The following TAOK3 variants were observed in gnomAD, a reference collection of about 807,000 sequenced individuals.
TAOK3 encodes the protein serine/threonine-protein kinase TAO3.
TAOK3 carries 40 observed loss-of-function variants against 120.4 expected under a neutral mutation model. The ratio of observed to expected loss-of-function variants is 0.33; its 90% CI spans 0.26 to 0.43. The LOEUF is 0.43. Ranked by LOEUF, TAOK3 falls within the 20% of genes least tolerant of loss-of-function variation. The pLI, the probability that TAOK3 is intolerant of heterozygous loss-of-function variation, is 1.00. For missense variants in TAOK3, 821 were observed against 1,112.1 expected (o/e 0.74, Z 3.72); for synonymous variants, 355 against 387.5 (o/e 0.92, Z 0.99).
At chr12:118,360,554 C>T (rs1280489948) in intron 1 of TAOK3, among the ~76,000 whole-genome samples, 6 of 124,948 alleles carry the variant, frequency 4.8e-5, no homozygotes, top group South Asian at 2.5e-4. Context: ...GGCGACACAG[C>T]GAGACTCCGT....
chr12:118,168,996 CCTTCCTTT>C (rs1242706262), intron 17 of TAOK3, among the ~76,000 whole-genome samples: 231 of 58,504 alleles, frequency 3.9e-3, no homozygotes, highest in South Asian at 9.6e-3. Flanking sequence ...TTCCTTCCTT[CCTTCCTTT>C]CTTTCTTTCT....
intron 1 of TAOK3, among the ~76,000 whole-genome samples, chr12:118,364,598 G>T (rs1003978375): frequency 6.6e-6 from 1 of 152,166 alleles, no homozygotes; most frequent in Non-Finnish European, 1.5e-5. Flanking sequence ...CACACAATAT[G>T]AAATTGTTTC....
intron 14 of TAOK3, among the ~76,000 whole-genome samples, chr12:118,184,772 C>G (rs1313253452): frequency 2.0e-5 from 3 of 152,208 alleles, no homozygotes; most frequent in African/African-American, 7.2e-5. Flanking sequence ...GGCAGTACCA[C>G]CTTGCTCTAC....
Position 118,347,859 on chromosome 12 carries a change from G to A in TAOK3, c.-194+24789C>T, listed in dbSNP as rs2044939493. Among the ~76,000 whole-genome samples, 3 of 152,174 alleles carry A rather than the reference G, an allele frequency of 2.0e-5. No homozygotes were observed. The South Asian group carries it at 6.2e-4, about 32-fold the overall frequency. The stretch of plus-strand genomic sequence containing the variant: ...TTCCAGAACCTCACTACTAGTCCAA[G>A]TTCTCATTCTCAATTTCTTTCTTCC... On this transcript the variant is annotated intron_variant, in intron 1 of 20. Transcript: ENST00000392533.
At chr12:118,198,943 C>T (rs906455929) in intron 13 of TAOK3, 108 bp downstream of exon 13, 95 of 1,166,934 alleles carry the variant, frequency 8.1e-5, no homozygotes, top group Non-Finnish European at 1.2e-4. Flanking sequence ...TTTAGTACCA[C>T]ACTGCAGTTG....
At chr12:118,230,538 C>T (rs895797003) in intron 9 of TAOK3, among the ~76,000 whole-genome samples, 2 of 118,866 alleles carry the variant, frequency 1.7e-5, no homozygotes, top group African/African-American at 6.5e-5. Context: ...GTGGTGCGAT[C>T]TCTCACTGCA....
chr12:118,171,176 T>C (rs377433434), intron 17 of TAOK3, among the ~76,000 whole-genome samples: 1 of 152,172 alleles, frequency 6.6e-6, no homozygotes, highest in Non-Finnish European at 1.5e-5. Flanking sequence ...GAAATTCCCA[T>C]ATCTATTTGG....
intron 1 of TAOK3, among the ~76,000 whole-genome samples, chr12:118,304,967 T>C (rs998565421): frequency 6.6e-6 from 1 of 152,210 alleles, no homozygotes; most frequent in African/African-American, 2.4e-5. Flanking sequence ...CAACCATGGT[T>C]AAGAACACGG....
rs893176486 is a variant in TAOK3, at chr12:118,359,282, A to G, written c.-194+13366T>C. The G allele has an allele frequency of 3.0e-4, 46 of 152,188 alleles. 1 individual carries two copies. Among genetic ancestry groups the G allele is most frequent in the Admixed American group, 2.2e-3 (34 of 15,278 alleles). 9.4% of individuals were successfully genotyped at this position (152,188 alleles called of 1,614,324 possible). On this transcript the variant is annotated intron_variant, in intron 1 of 20. Transcript: ENST00000392533. The stretch of plus-strand genomic sequence containing the variant: ...AGAATTTTCCCCCCAGTACCTACAA[A>G]AGAGGAAAACTTGCTCAAGCTAATC...
chr12:118,259,775 C>A (rs2041144839), intron 2 of TAOK3, among the ~76,000 whole-genome samples: 2 of 152,048 alleles, frequency 1.3e-5, no homozygotes. Context: ...GATGACAGTC[C>A]AGGTTGACCA....
rs372101847 is a variant in TAOK3, at chr12:118,189,888, C to T, written c.1248G>A (p.Pro416=). The T allele has an allele frequency of 5.0e-5, 80 of 1,614,078 alleles. No individual in the cohort carries two copies. Among genetic ancestry groups the T allele is most frequent in the Non-Finnish European group, 6.5e-5 (77 of 1,180,036 alleles). The change falls in exon 14 of 21, where the codon CCG becomes CCA. Residue 416 remains proline, a synonymous_variant. Coordinates refer to ENST00000392533, the MANE Select transcript of TAOK3 (RefSeq NM_016281.4). The part of the protein sequence containing the change: ...EAGHGDPRPE[P]RPTQSVQSQA... ...GGCTCTGAACTGACTGGGTAGGCCG[C>T]GGCTCAGGCCTGGGATCGCCGTGGC...
chr12:118,233,168 C>T (rs1186369189), intron 9 of TAOK3, among the ~76,000 whole-genome samples: 3 of 147,342 alleles, frequency 2.0e-5, no homozygotes, highest in South Asian at 2.1e-4. Flanking sequence ...AACCAAACAC[C>T]GCATGTTCTC....
intron 1 of TAOK3, among the ~76,000 whole-genome samples, chr12:118,350,469 T>C (rs887941641): frequency 6.6e-6 from 1 of 152,218 alleles, no homozygotes; most frequent in Non-Finnish European, 1.5e-5. Context: ...GCATGTATTG[T>C]AATACCTAGC....
chr12:118,169,494 A>G (rs1249283758), intron 17 of TAOK3, among the ~76,000 whole-genome samples: 5 of 147,432 alleles, frequency 3.4e-5, no homozygotes, highest in South Asian at 2.2e-4. Flanking sequence ...TTTTTGTAGT[A>G]CAGATGGGGT....
At position 118,185,849 on chromosome 12, in the gene TAOK3, A is replaced by G. The variant is rs1418789762; in HGVS notation, c.1329+3958T>C. 5.3e-5 allele frequency among the ~76,000 whole-genome samples: 8 copies of G among 152,340 alleles called. No individual in the cohort carries two copies. The South Asian group carries it at 1.4e-3, about 28-fold the overall frequency. ...GGGTTGGGCATGTAGATTGGACAGCATAAGTGAGAAATGGTATCAGCAATG... is the reference window on the plus strand; with the variant it reads ...GGGTTGGGCATGTAGATTGGACAGCGTAAGTGAGAAATGGTATCAGCAATG... On this transcript the variant is annotated intron_variant, in intron 14 of 20. Coordinates refer to ENST00000392533, the MANE Select transcript of TAOK3 (RefSeq NM_016281.4).
intron 1 of TAOK3, among the ~76,000 whole-genome samples, chr12:118,326,374 A>T (rs1327790592): frequency 6.6e-6 from 1 of 152,162 alleles, no homozygotes; most frequent in Non-Finnish European, 1.5e-5. Context: ...TTATGGCAAT[A>T]CCATGCTGTT....
chr12:118,162,028 C>T lies in TAOK3; in HGVS notation c.1900-1G>A, dbSNP rs1161179386. The T allele has an allele frequency of 6.2e-7, 1 of 1,612,272 alleles. No homozygotes were observed. The highest frequency in any genetic ancestry group is 1.3e-5 in the African/African-American group (1 of 74,840). On this transcript the variant is annotated splice_acceptor_variant, in intron 17 of 20. Transcript: ENST00000392533. LOFTEE classifies it high-confidence loss of function. The stretch of plus-strand genomic sequence containing the variant: ...TCTGGGTCCTCTTTTTATTTAGTTC[C>T]TGCGTCCAGGAACAAAAGATAAACG...
Position 118,177,191 on chromosome 12 carries a change from G to C in TAOK3, c.1695+10C>G. On this transcript the variant is annotated intron_variant, in intron 16 of 20. Coordinates refer to ENST00000392533, the MANE Select transcript of TAOK3 (RefSeq NM_016281.4). ...GGCAACTTGGTGAGAACAAACATTGGTATCCTTACCTCTTTTATTTTTTCC... is the reference window on the plus strand; with the variant it reads ...GGCAACTTGGTGAGAACAAACATTGCTATCCTTACCTCTTTTATTTTTTCC... The C allele has an allele frequency of 6.2e-6, 10 of 1,611,992 alleles. No homozygotes were observed. Among genetic ancestry groups the C allele is most frequent in the Non-Finnish European group, 8.5e-6 (10 of 1,179,074 alleles).
chr12:118,336,111 G>A (rs1037337005), intron 1 of TAOK3, among the ~76,000 whole-genome samples: 1 of 152,102 alleles, frequency 6.6e-6, no homozygotes, highest in Non-Finnish European at 1.5e-5. Flanking sequence ...ACGTTTACAT[G>A]GACAGGCAAA....
Sources: allele counts gnomAD v4.1 joint callset (sites outside exome capture counted in the v4.1 genomes callset), GRCh38; gene constraint gnomAD v4.1.1; transcripts MANE v1.5; gene names NCBI Gene and HGNC (gene_info 2026-07-23, HGNC 2026-07-21).